The following PLXNA4 variants were observed in gnomAD, a reference collection of about 807,000 sequenced individuals.
PLXNA4 encodes plexin A4.
In PLXNA4, 44 loss-of-function variants were observed where a neutral mutation model predicts 191.8. The ratio of observed to expected loss-of-function variants is 0.23; its 90% CI spans 0.18 to 0.29. PLXNA4 has a LOEUF of 0.29. Among genes scored for constraint, PLXNA4 ranks in the 10% least tolerant of loss-of-function variants. PLXNA4 has a pLI of 1.00. For missense variants in PLXNA4, 1,800 were observed against 2,488.8 expected, an observed-to-expected ratio of 0.72 and a Z score of 5.89; for synonymous variants, 1,082 against 1,009.5, an observed-to-expected ratio of 1.07 and a Z score of -1.36.
chr7:132,365,360 T>TGTGTGCGCAC, intron 3 of PLXNA4, among the ~76,000 whole-genome samples: 1 of 128,742 alleles, frequency 7.8e-6, no homozygotes, highest in Non-Finnish European at 1.7e-5. Flanking sequence ...TGTGTGTGTG[T>TGTGTGCGCAC]GCGTGCGCGC....
intron 14 of PLXNA4, among the ~76,000 whole-genome samples, chr7:132,190,444 G>A (rs1437277494): frequency 1.3e-5 from 2 of 152,170 alleles, no homozygotes; most frequent in Non-Finnish European, 2.9e-5. Flanking sequence ...CTAGGTCAGG[G>A]GGCCTCAGCC....
intron 12 of PLXNA4, among the ~76,000 whole-genome samples, chr7:132,200,526 G>A (rs904605868): frequency 2.0e-5 from 3 of 152,190 alleles, no homozygotes; most frequent in African/African-American, 7.2e-5. Context: ...TTCCTACCAT[G>A]CAAAAGACTG....
chr7:132,491,538 C>A (rs1159935125), intron 2 of PLXNA4, among the ~76,000 whole-genome samples: 1 of 152,104 alleles, frequency 6.6e-6, no homozygotes, highest in Non-Finnish European at 1.5e-5. Context: ...ACGTGTAGAG[C>A]AGACATCCAC....
chr7:132,345,056 C>T (rs1245439876), intron 3 of PLXNA4, among the ~76,000 whole-genome samples: 1 of 152,132 alleles, frequency 6.6e-6, no homozygotes, highest in East Asian at 1.9e-4. Context: ...TGAATGAATG[C>T]ATACATACAT....
chr7:132,222,929 T>C (rs1798194810), intron 9 of PLXNA4, among the ~76,000 whole-genome samples: 1 of 152,152 alleles, frequency 6.6e-6, no homozygotes, highest in Non-Finnish European at 1.5e-5. Flanking sequence ...TAAGCCCAAG[T>C]TGCTGCACCC....
intron 2 of PLXNA4, among the ~76,000 whole-genome samples, chr7:132,614,863 G>A (rs74670514): frequency 0.019 from 2,835 of 152,342 alleles, 65 homozygotes; most frequent in Middle Eastern, 0.078. Flanking sequence ...AAGCAGATGT[G>A]CAGAGAGGCG....
intron 2 of PLXNA4, among the ~76,000 whole-genome samples, chr7:132,644,723 T>C (rs977926635): frequency 6.6e-6 from 1 of 152,228 alleles, no homozygotes; most frequent in African/African-American, 2.4e-5. Context: ...GCAGTCGATC[T>C]GTGGTTGGAA....
At chr7:132,471,316 T>C (rs1354329724) in intron 3 of PLXNA4, among the ~76,000 whole-genome samples, 1 of 152,206 alleles carries the variant, frequency 6.6e-6, no homozygotes, top group Non-Finnish European at 1.5e-5. Flanking sequence ...TATTTCTTTA[T>C]AGCAATGCAA....
chr7:132,352,898 G>C (rs547530519), intron 3 of PLXNA4, among the ~76,000 whole-genome samples: 1 of 152,020 alleles, frequency 6.6e-6, no homozygotes, highest in African/African-American at 2.4e-5. Flanking sequence ...AGTCAAGTAC[G>C]TTGCAAAATA....
intron 3 of PLXNA4, among the ~76,000 whole-genome samples, chr7:132,357,297 A>G (rs1297928626): frequency 2.0e-5 from 3 of 152,158 alleles, no homozygotes; most frequent in African/African-American, 7.2e-5. Context: ...CTGAGTGCCA[A>G]GCTCTGTGCC....
At chr7:132,483,157 A>G (rs934660050) in intron 3 of PLXNA4, among the ~76,000 whole-genome samples, 1 of 152,088 alleles carries the variant, frequency 6.6e-6, no homozygotes, top group Non-Finnish European at 1.5e-5. Context: ...CAGAACATCA[A>G]CTCATGGGCT....
chr7:132,514,475 C>T (rs1798861143), intron 1 of PLXNA4, among the ~76,000 whole-genome samples: 1 of 152,046 alleles, frequency 6.6e-6, no homozygotes, highest in Admixed American at 6.5e-5. Flanking sequence ...GCCACGGTGC[C>T]CAGATAGTTG....
chr7:132,293,681 C>T (rs1217216746), intron 4 of PLXNA4, among the ~76,000 whole-genome samples: 1 of 152,188 alleles, frequency 6.6e-6, no homozygotes, highest in African/African-American at 2.4e-5. Context: ...CAGCATAAAG[C>T]ACACATTTTC....
intron 1 of PLXNA4, among the ~76,000 whole-genome samples, chr7:132,646,996 C>A (rs963559759): frequency 3.9e-5 from 6 of 151,962 alleles, no homozygotes; most frequent in African/African-American, 1.5e-4. Context: ...ATCATATACA[C>A]ACATACACTC....
chr7:132,343,562 CT>C (rs1272038210), intron 3 of PLXNA4, among the ~76,000 whole-genome samples: 1 of 152,234 alleles, frequency 6.6e-6, no homozygotes, highest in Non-Finnish European at 1.5e-5. Flanking sequence ...CCAGAGCCCC[CT>C]GGCTTAAAGT....
chr7:132,263,028 C>T (rs747918386), intron 4 of PLXNA4, among the ~76,000 whole-genome samples: 2 of 152,152 alleles, frequency 1.3e-5, no homozygotes, highest in African/African-American at 2.4e-5. Context: ...TGTGACCCCT[C>T]GTAAGCTTCC....
At chr7:132,549,861 G>A (rs557157656) in intron 1 of PLXNA4, among the ~76,000 whole-genome samples, 1 of 152,248 alleles carries the variant, frequency 6.6e-6, no homozygotes, top group Non-Finnish European at 1.5e-5. Flanking sequence ...TATTTTTGTG[G>A]ATGGGCAGAC....
chr7:132,634,190 T>G (rs1420772959), intron 2 of PLXNA4, among the ~76,000 whole-genome samples: 3 of 152,128 alleles, frequency 2.0e-5, no homozygotes, highest in African/African-American at 7.2e-5. Context: ...CAAGGCCCTT[T>G]ATTTAGGGTT....
intron 25 of PLXNA4, among the ~76,000 whole-genome samples, chr7:132,156,694 T>C (rs1463359523): frequency 6.6e-6 from 1 of 152,216 alleles, no homozygotes; most frequent in Non-Finnish European, 1.5e-5. Flanking sequence ...TTGGCATAAA[T>C]AGTCACACCT....
Sources: gnomAD v4.1 joint callset for allele counts (sites outside exome capture counted in the v4.1 genomes callset) on GRCh38, gnomAD v4.1.1 for gene constraint, MANE v1.5 for transcripts, NCBI Gene and HGNC (gene_info 2026-07-23, HGNC 2026-07-21) for gene names.